Variants in C20orf204 observed in about 807,000 individuals in gnomAD.
C20orf204 encodes the protein uncharacterized protein C20orf204.
A neutral mutation model predicts 3.6 loss-of-function variants in C20orf204; 6 were observed. The observed-to-expected ratio is 1.68, with a 90% CI of 0.92 to 3.31. C20orf204 has a LOEUF of 3.31. Among genes scored for constraint, C20orf204 ranks in the 30% most tolerant of loss-of-function variants. The pLI is 0.00. For synonymous variants in C20orf204, 80 were observed against 41.4 expected, an observed-to-expected ratio of 1.93 and a Z score of -3.58; for missense variants, 167 against 89.7, an observed-to-expected ratio of 1.86 and a Z score of -3.48.
At chr20:64,037,048 C>T (rs1484361052) in intron 1 of C20orf204, 2 of 152,226 alleles carry the variant, frequency 1.3e-5, no homozygotes, top group African/African-American at 2.4e-5. Flanking sequence ...GGGCTGGCCC[C>T]TTTTGGGTGG....
upstream of C20orf204, chr20:64,035,176 G>A (rs990084312): frequency 6.6e-6 from 1 of 152,242 alleles, no homozygotes; most frequent in African/African-American, 2.4e-5. Context: ...AACCTCGTTA[G>A]GTGATGTCGT....
intron 3 of C20orf204, 31 bp from the exon 4 acceptor site, chr20:64,038,591 G>A: frequency 3.8e-6 from 2 of 522,844 alleles, no homozygotes; most frequent in Non-Finnish European, 3.3e-6. Flanking sequence ...CGGGGGCCGT[G>A]CGCATTCGCT....
intron 3 of C20orf204, 54 bp from the exon 4 acceptor site, chr20:64,038,563 CCCGGG>C (rs377676578): frequency 7.1e-5 from 37 of 521,094 alleles, no homozygotes; most frequent in African/African-American, 6.7e-4. Context: ...CGTCTCCCTT[CCCGGG>C]CCGGGCCGGG....
In C20orf204 at chr20:64,038,221, T is replaced by C. The variant is rs1464897735; in HGVS notation, c.279+19T>C. The C allele has an allele frequency of 2.8e-6, 2 of 720,748 alleles. No homozygotes were observed. Among genetic ancestry groups the C allele is most frequent in the Non-Finnish European group, 5.1e-6 (2 of 390,044 alleles). The allele number at this position is 720,748 out of a possible 1,614,324, so 44.6% of individuals were successfully genotyped here. ...CCAGAAGGTATGGAGGAGGCGCCCC[T>C]ACCCAAGCTCGCCGGCCTGCTCCTC... On this transcript the variant is annotated intron_variant, in intron 2 of 3. Transcript: ENST00000636176.
chr20:64,038,250 CA>C (rs771388214), intron 2 of C20orf204, 45 bp from the exon 3 acceptor site: 17 of 743,062 alleles, frequency 2.3e-5, no homozygotes, highest in Non-Finnish European at 4.0e-5. Flanking sequence ...GCTCCTCTCT[CA>C]GTTTCCCCCC....
chr20:64,038,830 G>C lies in C20orf204; in HGVS notation c.*71G>C. ...GCGGCAGAGCCTGGAGACGCGCCTC[G>C]TTCTGTAGACTTGTTGGTGACCTCG... is the stretch of plus-strand genomic sequence containing the variant. On this transcript the variant is annotated 3_prime_UTR_variant, in exon 4 of 4. Transcript: ENST00000636176. 1.3e-5 allele frequency: 9 copies of C among 711,708 alleles called. No homozygotes were observed. Among genetic ancestry groups the C allele is most frequent in the Non-Finnish European group, 2.1e-5 (8 of 383,490 alleles). 44.1% of individuals were successfully genotyped at this position (711,708 alleles called of 1,614,324 possible).
At chr20:64,034,093 G>C (rs934243311), upstream of C20orf204, among the ~76,000 whole-genome samples, 14 of 152,228 alleles carry the variant, frequency 9.2e-5, no homozygotes, top group African/African-American at 3.4e-4. Context: ...GTGGACAGTC[G>C]TTGAGGCCAG....
chr20:64,038,259 C>T (rs1229573759), intron 2 of C20orf204, 37 bp from the exon 3 acceptor site: 2 of 742,002 alleles, frequency 2.7e-6, no homozygotes, highest in Admixed American at 1.8e-5. Context: ...TCAGTTTCCC[C>T]CCACCCCCAC....
chr20:64,037,178 G>C (rs1273975809), intron 1 of C20orf204: 1 of 152,354 alleles, frequency 6.6e-6, no homozygotes, highest in East Asian at 1.9e-4. Context: ...GGGATGGCGT[G>C]GGGCGGCTGG....
chr20:64,033,934 G>A (rs1339029273), upstream of C20orf204, among the ~76,000 whole-genome samples: 1 of 152,248 alleles, frequency 6.6e-6, no homozygotes, highest in Admixed American at 6.5e-5. Context: ...GAGAGACTTG[G>A]CTTCTCTTCA....
upstream of C20orf204, chr20:64,035,040 G>T (rs1439756672): frequency 6.6e-6 from 1 of 152,258 alleles, no homozygotes; most frequent in African/African-American, 2.4e-5. Flanking sequence ...GGAAAGTTCC[G>T]GAGCGCTTAC....
intron 1 of C20orf204, 82 bp downstream of exon 1, chr20:64,036,408 C>T (rs188763401): frequency 6.6e-6 from 1 of 152,516 alleles, no homozygotes; most frequent in Non-Finnish European, 1.5e-5. Context: ...GGAGACACTG[C>T]TTGTTCCCCT....
chr20:64,038,140 C>G lies in C20orf204; in HGVS notation c.217C>G (p.Leu73Val), dbSNP rs2059344740. 1 of 567,232 alleles carries G rather than the reference C, an allele frequency of 1.8e-6. No individual in the cohort carries two copies. Among genetic ancestry groups the G allele is most frequent in the Non-Finnish European group, 3.2e-6 (1 of 312,660 alleles). The allele number at this position is 567,232 out of a possible 1,614,324, so 35.1% of individuals were successfully genotyped here. A position where few individuals can be genotyped will look rare whatever the true frequency, so the allele number is the denominator to read the frequency against. ...SRHFHFIQKN[L>V]TRPGSSGRRG... ...ACACTTTCATTTCATACAGAAAAAC[C>G]TGACTAGACCCGGGAGCTCGGGACG... The change falls in exon 2 of 4, where the codon CTG (leucine) becomes GTG (valine). Residue 73 changes from leucine to valine, a missense_variant. Coordinates refer to ENST00000636176, the MANE Select transcript of C20orf204 (RefSeq NM_001387010.1).
chr20:64,038,528 C>G (rs946204370), intron 3 of C20orf204, 80 bp downstream of exon 3: 85 of 575,124 alleles, frequency 1.5e-4, no homozygotes, highest in Non-Finnish European at 2.5e-4. Flanking sequence ...GCTCCACGGC[C>G]CTAGGCTGAA....
intron 1 of C20orf204, chr20:64,037,390 G>A (rs1255807200): frequency 1.3e-5 from 2 of 152,622 alleles, no homozygotes; most frequent in Admixed American, 6.5e-5. Context: ...GAGGGCGCCA[G>A]TATGGGAGGT....
Position 64,038,783 on chromosome 20 carries a change from G to A in C20orf204, c.*24G>A, listed in dbSNP as rs565164981. On this transcript the variant is annotated 3_prime_UTR_variant, in exon 4 of 4. Transcript: ENST00000636176. The stretch of plus-strand genomic sequence containing the variant: ...AGCGCGGCCCGTCCTGGCCCTGCGC[G>A]GGGAGGAGAACCAGCGGGGCCGCGG... 4.3e-6 allele frequency: 3 copies of A among 696,852 alleles called. No individual in the cohort carries two copies. The allele number at this position is 696,852 out of a possible 1,614,324, so 43.2% of individuals were successfully genotyped here. A position where few individuals can be genotyped will look rare whatever the true frequency, so the allele number is the denominator to read the frequency against.
At chr20:64,038,563 C>CCCGGGCCGGGCCGGG (rs377676578) in intron 3 of C20orf204, 59 bp from the exon 4 acceptor site, 5 of 521,022 alleles carry the variant, frequency 9.6e-6, no homozygotes, top group South Asian at 2.7e-5. Context: ...CGTCTCCCTT[C>CCCGGGCCGGGCCGGG]CCGGGCCGGG....
rs1406188156 is a variant in C20orf204, at chr20:64,038,925, C to T, written c.*166C>T. 1.4e-6 allele frequency: 1 copy of T among 727,650 alleles called. No homozygotes were observed. The highest frequency in any genetic ancestry group is 2.5e-6 in the Non-Finnish European group (1 of 394,036). 45.1% of individuals were successfully genotyped at this position (727,650 alleles called of 1,614,324 possible). ...TTGGAGAAGGGAGCGCGCCTGGCCG[C>T]CGCTGGGTCACGGAGGAGGCCCGCC... On this transcript the variant is annotated 3_prime_UTR_variant, in exon 4 of 4. Coordinates refer to ENST00000636176, the MANE Select transcript of C20orf204 (RefSeq NM_001387010.1).
At chr20:64,035,424 C>CT (rs1445932344), upstream of C20orf204, 4 of 152,240 alleles carry the variant, frequency 2.6e-5, no homozygotes, top group African/African-American at 2.4e-5. Context: ...GAGTCACTGA[C>CT]TTTTCCCCCT....
Sources: allele counts gnomAD v4.1 joint callset (sites outside exome capture counted in the v4.1 genomes callset), GRCh38; gene constraint gnomAD v4.1.1; transcripts MANE v1.5; gene names NCBI Gene and HGNC (gene_info 2026-07-23, HGNC 2026-07-21).